The following SEC14L5 variants were observed in gnomAD, a reference collection of about 807,000 sequenced individuals.
The protein encoded by SEC14L5 is SEC14 like lipid binding 5.
A neutral mutation model predicts 84.6 loss-of-function variants in SEC14L5; 96 were observed. The ratio of observed to expected loss-of-function variants is 1.13; its 90% CI spans 0.96 to 1.34. The LOEUF is 1.34. Ranked by LOEUF, SEC14L5 falls within the 40% of genes most tolerant of loss-of-function variation. The probability of loss-of-function intolerance (pLI) is 0.00; values close to 1 mark genes in which losing one functional copy is unlikely to be tolerated. For missense variants in SEC14L5, 1,224 were observed against 942.5 expected (o/e 1.30, Z -3.91); for synonymous variants, 546 against 383.4 (o/e 1.42, Z -4.95).
rs551063333 is a variant in SEC14L5, at chr16:5,008,367, C to T, written c.1573-54C>T. 54 of 1,345,222 alleles carry T rather than the reference C, an allele frequency of 4.0e-5. 1 individual carries two copies. In the South Asian group the frequency reaches 5.8e-4, roughly 14 times the overall value. 83.3% of individuals were successfully genotyped at this position (1,345,222 alleles called of 1,614,324 possible). On this transcript the variant is annotated intron_variant, in intron 13 of 15. Transcript: ENST00000251170. The stretch of plus-strand genomic sequence containing the variant: ...GCCCCTCCTGCCACTGTGTTCCCCA[C>T]CCCAGCTCTACTCTCTCGGCCGTGA...
At chr16:4,992,344 G>A (rs540390644) in intron 6 of SEC14L5, among the ~76,000 whole-genome samples, 20 of 152,202 alleles carry the variant, frequency 1.3e-4, no homozygotes, top group African/African-American at 2.9e-4. Context: ...TCCGCCCCCC[G>A]GGTTCAAGTG....
At chr16:5,014,013 G>A (rs1001414806) in intron 15 of SEC14L5, among the ~76,000 whole-genome samples, 1 of 152,354 alleles carries the variant, frequency 6.6e-6, no homozygotes, top group East Asian at 1.9e-4. Flanking sequence ...TCTCTAACAA[G>A]CTCCGGGCAC....
chr16:5,014,773 C>G (rs1163065500), intron 15 of SEC14L5, 86 bp from the exon 16 acceptor site: 3 of 999,918 alleles, frequency 3.0e-6, no homozygotes, highest in Admixed American at 2.2e-5. Context: ...TGATTTGCAG[C>G]ATCAACAGCT....
At chr16:4,958,712 C>T (rs1955083864) in intron 1 of SEC14L5, among the ~76,000 whole-genome samples, 1 of 152,100 alleles carries the variant, frequency 6.6e-6, no homozygotes, top group African/African-American at 2.4e-5. Flanking sequence ...GTGCGTGTTT[C>T]AGGGTGTGTG....
At chr16:4,978,441 C>G (rs1295547394) in intron 2 of SEC14L5, among the ~76,000 whole-genome samples, 2 of 126,128 alleles carry the variant, frequency 1.6e-5, no homozygotes, top group East Asian at 2.4e-4. Flanking sequence ...AAAAAAGAAA[C>G]AAGATCTTGC....
intron 2 of SEC14L5, chr16:4,960,758 G>A (rs8048134): frequency 0.58 from 88,848 of 151,926 alleles, 27,129 homozygotes; most frequent in East Asian, 0.79. Context: ...GATTAAATGA[G>A]TCAATGTGTA....
chr16:4,969,663 T>C (rs1955251252), intron 2 of SEC14L5, among the ~76,000 whole-genome samples: 1 of 152,082 alleles, frequency 6.6e-6, no homozygotes, highest in Non-Finnish European at 1.5e-5. Context: ...AGATTACAGG[T>C]GTGAGCTACT....
intron 2 of SEC14L5, among the ~76,000 whole-genome samples, chr16:4,981,174 T>C (rs1955419092): frequency 6.6e-6 from 1 of 150,636 alleles, no homozygotes; most frequent in Non-Finnish European, 1.5e-5. Flanking sequence ...TGGAGTGCAG[T>C]GGTGCGATCT....
chr16:5,006,613 G>A (rs1955734890), intron 12 of SEC14L5, among the ~76,000 whole-genome samples: 1 of 152,166 alleles, frequency 6.6e-6, no homozygotes, highest in African/African-American at 2.4e-5. Context: ...AGTGGCCCGG[G>A]CCCTCTTTGT....
At position 5,007,224 on chromosome 16, in the gene SEC14L5, C is replaced by G. The variant is rs528502667; in HGVS notation, c.1438-128C>G. 12 of 716,594 alleles carry G rather than the reference C, an allele frequency of 1.7e-5. No individual in the cohort carries two copies. The Admixed American group carries it at 3.0e-4, about 18-fold the overall frequency. 44.4% of individuals were successfully genotyped at this position (716,594 alleles called of 1,614,324 possible). A position where few individuals can be genotyped will look rare whatever the true frequency, so the allele number is the denominator to read the frequency against. On this transcript the variant is annotated intron_variant, in intron 12 of 15. Transcript: ENST00000251170. ...TGGGGATTAAATGGGGTCATGGAAG[C>G]CCACAGCCCATTCAGTAAGGGGTTG...
At chr16:4,994,648 T>A (rs11647819) in intron 6 of SEC14L5, among the ~76,000 whole-genome samples, 4 of 151,998 alleles carry the variant, frequency 2.6e-5, no homozygotes, top group Non-Finnish European at 4.4e-5. Flanking sequence ...CTGCACCGAC[T>A]GTGTGTGCTG....
At chr16:4,998,433 T>C (rs1955637272) in intron 8 of SEC14L5, among the ~76,000 whole-genome samples, 1 of 151,974 alleles carries the variant, frequency 6.6e-6, no homozygotes, top group Admixed American at 6.6e-5. Context: ...CTTTCCAATG[T>C]CCTTTATCTA....
intron 12 of SEC14L5, 78 bp downstream of exon 12, chr16:5,006,126 T>C: frequency 6.7e-7 from 1 of 1,491,206 alleles, no homozygotes; most frequent in Non-Finnish European, 9.3e-7. Context: ...ATTCCCGGAG[T>C]GGGGCTGGGA....
Position 4,991,832 on chromosome 16 carries a change from T to C in SEC14L5, c.475-6T>C. On this transcript the variant is annotated splice_polypyrimidine_tract_variant and splice_region_variant and intron_variant, in intron 5 of 15. Transcript: ENST00000251170. Reference sequence around the variant, plus strand: ...CTCATGTGTCTTGGGTCTCTCTGGCTTCCAGGGGAAGGAGGTGATTGAGCA... The same window carrying C: ...CTCATGTGTCTTGGGTCTCTCTGGCCTCCAGGGGAAGGAGGTGATTGAGCA... The C allele has an allele frequency of 6.3e-7, 1 of 1,595,200 alleles. No homozygotes were observed. The highest frequency in any genetic ancestry group is 1.7e-5 in the Admixed American group (1 of 58,328).
chr16:5,010,719 C>G (rs181066484), intron 14 of SEC14L5, among the ~76,000 whole-genome samples: 1 of 152,210 alleles, frequency 6.6e-6, no homozygotes, highest in Non-Finnish European at 1.5e-5. Flanking sequence ...CACAAATTCT[C>G]TCTAAGCACC....
intron 8 of SEC14L5, among the ~76,000 whole-genome samples, chr16:5,000,239 C>A (rs372069543): frequency 1.3e-5 from 2 of 151,342 alleles, no homozygotes; most frequent in African/African-American, 2.4e-5. Context: ...TACAGTGAGC[C>A]GAGATCGCAC....
chr16:4,962,681 T>G (rs1316152694), intron 2 of SEC14L5, among the ~76,000 whole-genome samples: 1 of 122,890 alleles, frequency 8.1e-6, no homozygotes, highest in Non-Finnish European at 1.7e-5. Context: ...AGTGAAACTC[T>G]GTCTCAAAAA....
intron 2 of SEC14L5, among the ~76,000 whole-genome samples, chr16:4,986,422 G>C (rs1303783705): frequency 1.3e-5 from 2 of 152,178 alleles, no homozygotes; most frequent in South Asian, 2.1e-4. Context: ...TTGTATGCGT[G>C]AGCCACCACA....
chr16:4,973,776 G>A (rs954845773), intron 2 of SEC14L5, among the ~76,000 whole-genome samples: 8 of 149,270 alleles, frequency 5.4e-5, no homozygotes, highest in Non-Finnish European at 1.2e-4. Flanking sequence ...TCCACCTCCC[G>A]GGTTCAAACG....
Sources: allele counts gnomAD v4.1 joint callset (sites outside exome capture counted in the v4.1 genomes callset), GRCh38; gene constraint gnomAD v4.1.1; transcripts MANE v1.5; gene names NCBI Gene and HGNC (gene_info 2026-07-23, HGNC 2026-07-21).